Variants in EAF2 observed in about 807,000 individuals in gnomAD.
EAF2 encodes the protein ELL associated factor 2.
A neutral mutation model predicts 29.4 loss-of-function variants in EAF2; 29 were observed. That is an observed-to-expected ratio of 0.99 (90% CI 0.73 to 1.35). The LOEUF is 1.35. EAF2 is among the 40% of genes most tolerant of loss of function. EAF2 has a pLI of 0.00. For synonymous variants in EAF2, 103 were observed against 102.5 expected (o/e 1.00, Z -0.03); for missense variants, 292 against 312.0 (o/e 0.94, Z 0.48).
At chr3:121,850,513 A>C (rs1708612706) in intron 2 of EAF2, among the ~76,000 whole-genome samples, 1 of 151,962 alleles carries the variant, frequency 6.6e-6, no homozygotes, top group African/African-American at 2.4e-5. Flanking sequence ...AGATTTTTAG[A>C]ATACATTTAT....
chr3:121,837,885 A>G (rs1039359067), intron 1 of EAF2: 2 of 152,206 alleles, frequency 1.3e-5, no homozygotes, highest in African/African-American at 4.8e-5. Flanking sequence ...AGGACCTACT[A>G]GAATCAATTT....
Position 121,843,078 on chromosome 3 carries a change from ATACT to A in EAF2, c.107-1373_107-1370del, listed in dbSNP as rs1708463110. On this transcript the variant is annotated intron_variant, in intron 1 of 5. Coordinates refer to ENST00000273668, the MANE Select transcript of EAF2 (RefSeq NM_018456.6). ...GCAGCATGAAGAATATATTATAAAA[ATACT>A]TTCTGTAAATTGTTTATATTCATTT... Among the ~76,000 whole-genome samples the A allele has an allele frequency of 2.0e-5, 3 of 152,314 alleles. No homozygotes were observed. In the South Asian group the frequency reaches 6.2e-4, roughly 32 times the overall value.
At chr3:121,840,074 C>G (rs1427890722) in intron 1 of EAF2, among the ~76,000 whole-genome samples, 5 of 150,940 alleles carry the variant, frequency 3.3e-5, no homozygotes, top group Non-Finnish European at 7.4e-5. Context: ...AGCCCGTAAT[C>G]CAGCTTCTTG....
intron 5 of EAF2, among the ~76,000 whole-genome samples, chr3:121,882,883 C>T (rs1709215125): frequency 6.6e-6 from 1 of 151,528 alleles, no homozygotes; most frequent in East Asian, 1.9e-4. Context: ...ACCATTACTG[C>T]AATCATCCCA....
intron 1 of EAF2, chr3:121,836,662 T>C (rs1708296514): frequency 1.0e-6 from 1 of 987,828 alleles, no homozygotes; most frequent in South Asian, 4.7e-5. Context: ...CACGATGAGA[T>C]GGTGCTGTGC....
At chr3:121,853,149 T>A (rs1463503117) in intron 2 of EAF2, among the ~76,000 whole-genome samples, 1 of 152,212 alleles carries the variant, frequency 6.6e-6, no homozygotes, top group Non-Finnish European at 1.5e-5. Flanking sequence ...TCCCAGACAA[T>A]GTGCCATTTC....
intron 2 of EAF2, among the ~76,000 whole-genome samples, chr3:121,850,426 T>C (rs1708610888): frequency 6.6e-6 from 1 of 152,112 alleles, no homozygotes; most frequent in Non-Finnish European, 1.5e-5. Flanking sequence ...TTTCCTGGTG[T>C]TCATAATGAG....
intron 2 of EAF2, among the ~76,000 whole-genome samples, chr3:121,852,726 T>C (rs1708654982): frequency 6.6e-6 from 1 of 152,212 alleles, no homozygotes; most frequent in African/African-American, 2.4e-5. Context: ...CACTTAGCCT[T>C]TTTAGAGGTC....
intron 2 of EAF2, among the ~76,000 whole-genome samples, chr3:121,854,271 G>A (rs547329306): frequency 2.3e-4 from 33 of 145,980 alleles, no homozygotes; most frequent in African/African-American, 8.4e-4. Context: ...AGCCGAGATC[G>A]TGCCACTGCA....
chr3:121,850,928 C>T (rs778703048), intron 2 of EAF2, among the ~76,000 whole-genome samples: 3 of 151,934 alleles, frequency 2.0e-5, no homozygotes, highest in African/African-American at 4.8e-5. Context: ...CTCAAACTCC[C>T]GACCTCAGAT....
intron 4 of EAF2, among the ~76,000 whole-genome samples, chr3:121,860,842 A>C (rs1476288772): frequency 6.6e-6 from 1 of 152,116 alleles, no homozygotes; most frequent in East Asian, 1.9e-4. Flanking sequence ...ACTGCTTTAA[A>C]TGTGTCCCAG....
chr3:121,839,702 A>C (rs1330388716), intron 1 of EAF2, among the ~76,000 whole-genome samples: 1 of 152,188 alleles, frequency 6.6e-6, no homozygotes, highest in Non-Finnish European at 1.5e-5. Flanking sequence ...TTTACACATA[A>C]TTTGACACTT....
chr3:121,841,504 C>CAA lies in EAF2; in HGVS notation c.107-2911_107-2910dup, dbSNP rs57868658. On this transcript the variant is annotated intron_variant, in intron 1 of 5. Transcript: ENST00000273668. ...TAGGCGGCAGAGGGAGACCCTGTCTCAAAAAAAAAAAAAAAAAAAAAAAAA... is the reference window on the plus strand; with the variant it reads ...TAGGCGGCAGAGGGAGACCCTGTCTCAAAAAAAAAAAAAAAAAAAAAAAAAAA... 8.8e-3 allele frequency among the ~76,000 whole-genome samples: 229 copies of CAA among 25,952 alleles called. 10 individuals are homozygous for CAA. Among genetic ancestry groups the CAA allele is most frequent in the Non-Finnish European group, 0.014 (177 of 12,712 alleles). The allele number at this position is 25,952 out of a possible 152,430, so 17.0% of individuals were successfully genotyped here.
At chr3:121,848,878 G>GCC (rs35162657) in intron 2 of EAF2, among the ~76,000 whole-genome samples, 12 of 150,654 alleles carry the variant, frequency 8.0e-5, no homozygotes, top group South Asian at 2.1e-4. Context: ...TATTTTAAAA[G>GCC]CCCCCCCCCA....
rs1708794000 is a variant in EAF2, at chr3:121,859,885, C to T, written c.484+2729C>T. ...TATTGAGAGTTTTTAGCATGAAGGG[C>T]TGTTGATTTTTGTCGAAGGCCTTTT... On this transcript the variant is annotated intron_variant, in intron 4 of 5. Transcript: ENST00000273668. Among the ~76,000 whole-genome samples, 6 of 152,034 alleles carry T rather than the reference C, an allele frequency of 3.9e-5. No individual in the cohort carries two copies. In the South Asian group the frequency reaches 8.3e-4, roughly 21 times the overall value.
intron 5 of EAF2, 179 bp downstream of exon 5, chr3:121,872,967 G>C (rs1193812881): frequency 2.1e-6 from 2 of 964,590 alleles, no homozygotes; most frequent in Non-Finnish European, 3.2e-6. Context: ...ATGCCTTCTT[G>C]GTTTTTCTCC....
At chr3:121,859,597 A>G (rs1345410177) in intron 4 of EAF2, among the ~76,000 whole-genome samples, 4 of 152,166 alleles carry the variant, frequency 2.6e-5, no homozygotes, top group Non-Finnish European at 5.9e-5. Flanking sequence ...TTCTAAATAT[A>G]CAATCATGTC....
At chr3:121,858,655 C>A (rs1314715841) in intron 4 of EAF2, among the ~76,000 whole-genome samples, 2 of 152,294 alleles carry the variant, frequency 1.3e-5, no homozygotes, top group African/African-American at 2.4e-5. Flanking sequence ...TTTTGCTGTG[C>A]AGAAGCTCTT....
At chr3:121,880,455 G>GGGGGGT (rs1033336939) in intron 5 of EAF2, among the ~76,000 whole-genome samples, 3 of 142,962 alleles carry the variant, frequency 2.1e-5, no homozygotes, top group African/African-American at 5.3e-5. Flanking sequence ...AGTGTTTTGG[G>GGGGGGT]GTGTGTGTGT....
Sources: gnomAD v4.1 joint callset for allele counts (sites outside exome capture counted in the v4.1 genomes callset) on GRCh38, gnomAD v4.1.1 for gene constraint, MANE v1.5 for transcripts, NCBI Gene and HGNC (gene_info 2026-07-23, HGNC 2026-07-21) for gene names.